SCNN1B: variants seen among roughly 807,000 people sequenced by gnomAD.
SCNN1B encodes epithelial sodium channel subunit beta.
A neutral mutation model predicts 65.3 loss-of-function variants in SCNN1B; 46 were observed. The ratio of observed to expected loss-of-function variants is 0.70; its 90% CI spans 0.56 to 0.90. The LOEUF is 0.90. Ranked by LOEUF, SCNN1B falls within the 40% of genes least tolerant of loss-of-function variation. SCNN1B has a pLI of 0.00. For synonymous variants in SCNN1B, 349 were observed against 330.6 expected (o/e 1.06, Z -0.60); for missense variants, 751 against 830.5 (o/e 0.90, Z 1.18).
chr16:23,352,502 T>C (rs1262934784), intron 2 of SCNN1B, among the ~76,000 whole-genome samples: 1 of 152,206 alleles, frequency 6.6e-6, no homozygotes, highest in African/African-American at 2.4e-5. Flanking sequence ...CAAGATCTGA[T>C]GGTTTTAAAG....
chr16:23,378,668 C>T lies in SCNN1B; in HGVS notation c.1405-38C>T, dbSNP rs746445878. On this transcript the variant is annotated intron_variant, in intron 10 of 12. Coordinates refer to ENST00000343070, the MANE Select transcript of SCNN1B (RefSeq NM_000336.3). ...AGAGCCATGACTGGGAGGGATGCTG[C>T]AGATGGCAACTTTTGCAACCACCTT... The T allele has an allele frequency of 3.1e-6, 5 of 1,603,010 alleles. No individual in the cohort carries two copies. The African/African-American group carries it at 5.4e-5, about 17-fold the overall frequency.
At chr16:23,343,503 G>GAA (rs1962100701) in intron 1 of SCNN1B, among the ~76,000 whole-genome samples, 3 of 82,126 alleles carry the variant, frequency 3.7e-5, no homozygotes, top group South Asian at 4.9e-4. Context: ...AGGAAGGAAG[G>GAA]AAGGAAAAGG....
At chr16:23,301,306 G>A (rs9924154), upstream of SCNN1B, among the ~76,000 whole-genome samples, 8,749 of 149,136 alleles carry the variant, frequency 0.059, 902 homozygotes, top group African/African-American at 0.21. Flanking sequence ...AGGTTACAGT[G>A]AGCTGAGATG....
At chr16:23,324,251 A>C (rs930000877) in intron 1 of SCNN1B, among the ~76,000 whole-genome samples, 2 of 150,806 alleles carry the variant, frequency 1.3e-5, no homozygotes, top group African/African-American at 4.9e-5. Context: ...GCAGCGGTAC[A>C]GTCATAGATC....
intron 2 of SCNN1B, among the ~76,000 whole-genome samples, chr16:23,349,614 C>A (rs1962265653): frequency 6.6e-6 from 1 of 152,132 alleles, no homozygotes; most frequent in Non-Finnish European, 1.5e-5. Context: ...TTCAGGCAGG[C>A]CAGTGCCTAT....
At chr16:23,330,967 C>T (rs959606629) in intron 1 of SCNN1B, among the ~76,000 whole-genome samples, 2 of 152,176 alleles carry the variant, frequency 1.3e-5, no homozygotes, top group African/African-American at 4.8e-5. Flanking sequence ...TTTCCAAGGA[C>T]CCTGGCACAT....
chr16:23,280,759 T>C (rs539878395), intron 1 of SCNN1B, among the ~76,000 whole-genome samples: 91 of 152,338 alleles, frequency 6.0e-4, no homozygotes, highest in Non-Finnish European at 7.2e-4. Context: ...CAAGTGACCA[T>C]GTGCCTCCTC....
At chr16:23,351,631 G>C (rs1429998708) in intron 2 of SCNN1B, among the ~76,000 whole-genome samples, 1 of 152,208 alleles carries the variant, frequency 6.6e-6, no homozygotes, top group African/African-American at 2.4e-5. Context: ...TCTCCAGCCA[G>C]AGTTGGCATT....
At chr16:23,278,861 G>A (rs1388905365) in intron 1 of SCNN1B, among the ~76,000 whole-genome samples, 3 of 152,130 alleles carry the variant, frequency 2.0e-5, no homozygotes, top group Middle Eastern at 3.4e-3. Flanking sequence ...GATCACTTGA[G>A]CACAGAAGTT....
chr16:23,293,707 A>G (rs1960957954), intron 2 of SCNN1B, among the ~76,000 whole-genome samples: 2 of 152,068 alleles, frequency 1.3e-5, no homozygotes. Context: ...CATGAGGATC[A>G]CTTGAGTGCA....
intron 1 of SCNN1B, among the ~76,000 whole-genome samples, chr16:23,305,524 AATATATATATTATAT>A (rs1477718803): frequency 0.038 from 185 of 4,874 alleles, 14 homozygotes; most frequent in Admixed American, 0.053. Flanking sequence ...ATCTCTACCA[AATATATATATTATAT>A]ATATATATAT....
chr16:23,280,709 T>G (rs1000111681), intron 1 of SCNN1B, among the ~76,000 whole-genome samples: 1 of 152,188 alleles, frequency 6.6e-6, no homozygotes, highest in African/African-American at 2.4e-5. Context: ...CTTTCACCAC[T>G]ATGCAGTCAG....
In SCNN1B at chr16:23,380,283, G is replaced by A. The variant is rs1205463301; in HGVS notation, c.1542+114G>A. On this transcript the variant is annotated intron_variant, in intron 12 of 12. Transcript: ENST00000343070. The surrounding 1 kb of genome is among the most constrained non-coding windows in gnomAD (Gnocchi z 5.4). ...AGGAATTAGGAAGATCCCTAAGACA[G>A]TCCCAAGTTATTCCCCTGGGCCAAG... 5 of 1,503,814 alleles carry A rather than the reference G, an allele frequency of 3.3e-6. No individual in the cohort carries two copies. The highest frequency in any genetic ancestry group is 2.8e-5 in the African/African-American group (2 of 72,670). The allele number at this position is 1,503,814 out of a possible 1,614,324, so 93.2% of individuals were successfully genotyped here. A position where few individuals can be genotyped will look rare whatever the true frequency, so the allele number is the denominator to read the frequency against.
intron 1 of SCNN1B, among the ~76,000 whole-genome samples, chr16:23,338,381 C>G (rs1961987076): frequency 6.6e-6 from 1 of 152,208 alleles, no homozygotes; most frequent in African/African-American, 2.4e-5. Flanking sequence ...AAGAGTCAGT[C>G]ATGTCCTCTG....
At chr16:23,299,987 T>C (rs1027554110), upstream of SCNN1B, among the ~76,000 whole-genome samples, 8 of 152,148 alleles carry the variant, frequency 5.3e-5, no homozygotes, top group Non-Finnish European at 1.0e-4. Context: ...GTGGCACATA[T>C]ACACCATGAA....
At chr16:23,365,623 A>AGAAC (rs1447414091) in intron 4 of SCNN1B, among the ~76,000 whole-genome samples, 1 of 131,266 alleles carries the variant, frequency 7.6e-6, no homozygotes, top group East Asian at 2.4e-4. Flanking sequence ...GAAAGAAAAA[A>AGAAC]GAAAGAAGTC....
At chr16:23,371,520 C>CT (rs1001030966) in intron 6 of SCNN1B, 58 bp downstream of exon 6, 1 of 1,551,134 alleles carries the variant, frequency 6.4e-7, no homozygotes, top group Non-Finnish European at 8.9e-7. Context: ...CCCACCTGTC[C>CT]AGGGCCAACT....
chr16:23,291,812 C>T (rs1960929783), intron 2 of SCNN1B, among the ~76,000 whole-genome samples: 2 of 151,104 alleles, frequency 1.3e-5, no homozygotes, highest in South Asian at 4.2e-4. Context: ...AACTCCTGGA[C>T]TCAAGCCATC....
chr16:23,321,932 G>A (rs1196364316), intron 1 of SCNN1B, among the ~76,000 whole-genome samples: 1 of 152,098 alleles, frequency 6.6e-6, no homozygotes. Context: ...AGCTAAGGTG[G>A]AAGGATCGCT....
Sources: gnomAD v4.1 joint callset for allele counts (sites outside exome capture counted in the v4.1 genomes callset) on GRCh38, gnomAD v4.1.1 for gene constraint, Gnocchi (gnomAD v3.1) non-coding constraint, MANE v1.5 for transcripts, NCBI Gene and HGNC (gene_info 2026-07-23, HGNC 2026-07-21) for gene names.